Variants in P2RX5 observed in about 807,000 individuals in gnomAD.
The protein encoded by P2RX5 is purinergic receptor P2X 5, also known as P2X purinoceptor 5.
Under a neutral mutation model 54.1 loss-of-function variants are expected in P2RX5, and 46 were observed. The observed-to-expected ratio is 0.85, with a 90% CI of 0.67 to 1.09. The LOEUF (loss-of-function observed/expected upper bound fraction) is 1.09, where lower values mean the gene tolerates loss of function less well. P2RX5 is among the 50% of genes least tolerant of loss of function. The probability of loss-of-function intolerance (pLI) is 0.00; values close to 1 mark genes in which losing one functional copy is unlikely to be tolerated. For synonymous variants in P2RX5, 226 were observed against 226.4 expected, an observed-to-expected ratio of 1.00 and a Z score of 0.02; for missense variants, 566 against 549.8, an observed-to-expected ratio of 1.03 and a Z score of -0.29.
the P2RX5 span, among the ~76,000 whole-genome samples, chr17:3,718,577 G>A: frequency 6.6e-6 from 1 of 152,222 alleles, no homozygotes; most frequent in Admixed American, 6.5e-5. Context: ...TACTCATAGA[G>A]TCACTGTAAG....
intron 9 of P2RX5, among the ~76,000 whole-genome samples, chr17:3,685,312 G>A (rs561327336): frequency 1.3e-5 from 2 of 152,244 alleles, no homozygotes; most frequent in South Asian, 2.1e-4. Flanking sequence ...AAAGAGACTC[G>A]GGCTGTCACT....
chr17:3,716,923 G>A, the P2RX5 span: 1 of 613,212 alleles, frequency 1.6e-6, no homozygotes, highest in Non-Finnish European at 2.9e-6. Flanking sequence ...CAAAGCTGAT[G>A]ACAGTAAAGC....
At chr17:3,688,847 T>C (rs1031855575) in intron 7 of P2RX5, 88 bp from the exon 8 acceptor site, 56 of 1,450,878 alleles carry the variant, frequency 3.9e-5, no homozygotes, top group Non-Finnish European at 5.0e-5. Context: ...CACTGGACAA[T>C]AGGAGGAGGT....
the P2RX5 span, among the ~76,000 whole-genome samples, chr17:3,711,367 A>ATTTTTT: frequency 3.7e-4 from 33 of 88,114 alleles, no homozygotes; most frequent in African/African-American, 2.0e-3. Flanking sequence ...CCCAGCACTC[A>ATTTTTT]TTCTTTTTTT....
intron 9 of P2RX5, among the ~76,000 whole-genome samples, chr17:3,683,539 T>C (rs969239552): frequency 9.2e-5 from 14 of 152,130 alleles, no homozygotes; most frequent in Non-Finnish European, 1.3e-4. Context: ...GAGACCAGCC[T>C]GGCCAACATG....
chr17:3,688,177 T>A (rs1042195872), intron 8 of P2RX5, 72 bp from the exon 9 acceptor site: 1 of 828,238 alleles, frequency 1.2e-6, no homozygotes, highest in African/African-American at 1.7e-5. Flanking sequence ...CTGATGTGGC[T>A]GCTCTGGGGA....
the P2RX5 span, among the ~76,000 whole-genome samples, chr17:3,710,925 C>CA: frequency 6.6e-6 from 1 of 151,900 alleles, no homozygotes; most frequent in East Asian, 1.9e-4. Flanking sequence ...GACCCTGTCT[C>CA]AAAAAAACAA....
chr17:3,692,580 G>A (rs1389276144), intron 1 of P2RX5, among the ~76,000 whole-genome samples: 4 of 152,134 alleles, frequency 2.6e-5, no homozygotes, highest in East Asian at 1.9e-4. Flanking sequence ...GGTGGCTCGC[G>A]CCTGTACTCC....
the P2RX5 span, among the ~76,000 whole-genome samples, chr17:3,706,637 C>T: frequency 3.3e-5 from 5 of 152,138 alleles, no homozygotes; most frequent in South Asian, 4.2e-4. Flanking sequence ...CAAGCTAGAG[C>T]GTCAGAGCCT....
At chr17:3,691,085 C>T in intron 2 of P2RX5, 58 bp from the exon 3 acceptor site, 1 of 1,282,786 alleles carries the variant, frequency 7.8e-7, no homozygotes. Context: ...ACCACCCCAC[C>T]TTTCCAGCGT....
chr17:3,695,810 G>C, intron 1 of P2RX5, 59 bp downstream of exon 1: 1 of 1,593,286 alleles, frequency 6.3e-7, no homozygotes, highest in South Asian at 1.1e-5. Flanking sequence ...AGAAGGACGC[G>C]GCGGCTGGCA....
Position 3,695,398 on chromosome 17 carries a change from C to G in P2RX5, c.137+471G>C, listed in dbSNP as rs976861518. 2.6e-5 allele frequency among the ~76,000 whole-genome samples: 4 copies of G among 152,226 alleles called. No individual in the cohort carries two copies. In the South Asian group the frequency reaches 6.2e-4, roughly 24 times the overall value. On this transcript the variant is annotated intron_variant, in intron 1 of 11. Coordinates refer to ENST00000225328, the MANE Select transcript of P2RX5 (RefSeq NM_002561.4). ...ACCGGAAGGGAGCTCAGGAACATGC[C>G]GGGCTGATGAGTTTCTCCAGCTCTG...
At chr17:3,676,453 C>T (rs2050107061) in intron 11 of P2RX5, 2 of 983,004 alleles carry the variant, frequency 2.0e-6, no homozygotes, top group Admixed American at 6.2e-5. Flanking sequence ...ATCCTTTGCA[C>T]CTTCTAAACT....
chr17:3,716,979 C>A, the P2RX5 span: 1 of 550,614 alleles, frequency 1.8e-6, no homozygotes. Flanking sequence ...TCATCTAAAA[C>A]TATCCAATCA....
the P2RX5 span, chr17:3,723,804 CGTCCCGGCCCCG>C: frequency 6.3e-7 from 1 of 1,588,466 alleles, no homozygotes; most frequent in Admixed American, 1.8e-5. Flanking sequence ...TTTTCCGTCC[CGTCCCGGCCCCG>C]GCCCTGGCGA....
At chr17:3,676,471 A>G in intron 11 of P2RX5, 1 of 984,192 alleles carries the variant, frequency 1.0e-6, no homozygotes, top group Non-Finnish European at 1.2e-6. Flanking sequence ...ACTTTGAATC[A>G]TGTAAGTATT....
At chr17:3,689,468 G>A (rs2050540807) in intron 7 of P2RX5, 24 bp downstream of exon 7, 1 of 1,612,840 alleles carries the variant, frequency 6.2e-7, no homozygotes, top group African/African-American at 1.3e-5. Context: ...CTCAGGGAGG[G>A]CTCCCTGCGT....
intron 11 of P2RX5, chr17:3,677,625 G>A: frequency 4.1e-6 from 4 of 985,368 alleles, no homozygotes; most frequent in Non-Finnish European, 3.6e-6. Flanking sequence ...GGAGTGGCTG[G>A]GCCTGGCTGT....
In P2RX5 at chr17:3,681,949, G is replaced by A. The variant is rs749497572; in HGVS notation, c.1011C>T (p.Ile337=). The A allele has an allele frequency of 7.4e-6, 12 of 1,613,638 alleles. No homozygotes were observed. The highest frequency in any genetic ancestry group is 1.0e-5 in the Non-Finnish European group (12 of 1,179,598). The change falls in exon 10 of 12, where the codon ATC becomes ATT. Residue 337 remains isoleucine, a synonymous_variant. Transcript: ENST00000225328. The part of the protein sequence containing the change: ...KGAFFCDLVL[I]YLIKKREFYR... ...AAAACTCTCTCTTTTTGATGAGGTAGATGAGTACCAGGTCGCAGAAGAAAG... is the reference window on the plus strand; with the variant it reads ...AAAACTCTCTCTTTTTGATGAGGTAAATGAGTACCAGGTCGCAGAAGAAAG...
Sources: gnomAD v4.1 joint callset for allele counts (sites outside exome capture counted in the v4.1 genomes callset) on GRCh38, gnomAD v4.1.1 for gene constraint, MANE v1.5 for transcripts, NCBI Gene and HGNC (gene_info 2026-07-23, HGNC 2026-07-21) for gene names.